DYNC1I1: variants seen among roughly 807,000 people sequenced by gnomAD.
DYNC1I1 encodes the protein cytoplasmic dynein 1 intermediate chain 1.
In DYNC1I1, 43 loss-of-function variants were observed where a neutral mutation model predicts 86.6. The observed-to-expected ratio is 0.50, with a 90% CI of 0.39 to 0.64. The LOEUF is 0.64. DYNC1I1 is among the 30% of genes least tolerant of loss of function. The probability of loss-of-function intolerance (pLI) is 0.00; values close to 1 mark genes in which losing one functional copy is unlikely to be tolerated. For missense variants in DYNC1I1, 604 were observed against 788.8 expected (o/e 0.77, Z 2.81); for synonymous variants, 262 against 283.7 (o/e 0.92, Z 0.77).
chr7:95,968,866 G>A (rs1584209807), intron 6 of DYNC1I1, among the ~76,000 whole-genome samples: 1 of 149,108 alleles, frequency 6.7e-6, no homozygotes, highest in African/African-American at 2.5e-5. Flanking sequence ...GTGTGTGTGT[G>A]TGTGTAGGCA....
At chr7:95,828,139 C>T in intron 5 of DYNC1I1, 23 bp downstream of exon 5, 1 of 1,613,028 alleles carries the variant, frequency 6.2e-7, no homozygotes. Flanking sequence ...TCTTTTGTTA[C>T]TCCTTTTATT....
intron 1 of DYNC1I1, among the ~76,000 whole-genome samples, chr7:95,790,829 C>T (rs1794282223): frequency 6.6e-6 from 1 of 152,200 alleles, no homozygotes; most frequent in Non-Finnish European, 1.5e-5. Flanking sequence ...TGGATCTTCA[C>T]ATGCCAAAGT....
intron 2 of DYNC1I1, 90 bp downstream of exon 2, chr7:95,804,927 A>G (rs2115798513): frequency 6.8e-7 from 1 of 1,462,380 alleles, no homozygotes; most frequent in East Asian, 2.5e-5. Context: ...GGACTCCCTA[A>G]AAGAATCCTT....
chr7:95,881,996 G>T (rs1790466753), intron 6 of DYNC1I1, among the ~76,000 whole-genome samples: 1 of 152,136 alleles, frequency 6.6e-6, no homozygotes, highest in African/African-American at 2.4e-5. Context: ...ATATGCTCTG[G>T]CTGAGGACAC....
At chr7:95,948,544 C>T (rs1407746894) in intron 6 of DYNC1I1, among the ~76,000 whole-genome samples, 1 of 152,116 alleles carries the variant, frequency 6.6e-6, no homozygotes, top group Admixed American at 6.5e-5. Flanking sequence ...GAGTTGACAC[C>T]TTTGATTCCT....
intron 6 of DYNC1I1, among the ~76,000 whole-genome samples, chr7:95,971,019 T>C (rs1184013798): frequency 1.3e-5 from 2 of 152,054 alleles, no homozygotes; most frequent in East Asian, 1.9e-4. Context: ...AAAGGGGAAT[T>C]GAGGGCAGTG....
chr7:96,009,849 G>T (rs977826027), intron 10 of DYNC1I1, among the ~76,000 whole-genome samples: 1 of 151,326 alleles, frequency 6.6e-6, no homozygotes, highest in Admixed American at 6.6e-5. Flanking sequence ...GCACGATCTC[G>T]GCTCACCACA....
intron 5 of DYNC1I1, among the ~76,000 whole-genome samples, chr7:95,849,156 T>C (rs1166275064): frequency 6.6e-6 from 1 of 152,204 alleles, no homozygotes; most frequent in African/African-American, 2.4e-5. Flanking sequence ...GCAAATATTT[T>C]CTCCCATTTT....
At chr7:95,823,814 C>G (rs1039071232) in intron 4 of DYNC1I1, among the ~76,000 whole-genome samples, 1 of 151,314 alleles carries the variant, frequency 6.6e-6, no homozygotes, top group Admixed American at 6.6e-5. Flanking sequence ...CTTATAAGAC[C>G]TAGTGGACTA....
At chr7:96,046,100 G>A (rs1789207097) in intron 14 of DYNC1I1, among the ~76,000 whole-genome samples, 1 of 152,178 alleles carries the variant, frequency 6.6e-6, no homozygotes, top group African/African-American at 2.4e-5. Flanking sequence ...CTTTGTCGGA[G>A]TGGTTTACCT....
chr7:95,785,824 A>G (rs995900725), intron 1 of DYNC1I1, among the ~76,000 whole-genome samples: 2 of 140,748 alleles, frequency 1.4e-5, no homozygotes, highest in Admixed American at 1.5e-4. Context: ...TATATTATAT[A>G]TAACAGTATG....
intron 10 of DYNC1I1, among the ~76,000 whole-genome samples, chr7:96,022,203 T>G (rs1562974656): frequency 6.6e-6 from 1 of 152,076 alleles, no homozygotes; most frequent in Non-Finnish European, 1.5e-5. Flanking sequence ...GCCAACCTAG[T>G]GGATGTTAAA....
At chr7:95,773,925 T>G (rs932491573) in intron 1 of DYNC1I1, among the ~76,000 whole-genome samples, 19 of 152,180 alleles carry the variant, frequency 1.2e-4, no homozygotes, top group African/African-American at 4.3e-4. Context: ...TTCAGTGCAA[T>G]TTGCAAGCTG....
At chr7:95,805,761 G>T (rs971200818) in intron 2 of DYNC1I1, among the ~76,000 whole-genome samples, 1 of 152,122 alleles carries the variant, frequency 6.6e-6, no homozygotes, top group East Asian at 1.9e-4. Flanking sequence ...AGAAAACTTC[G>T]TGTGGTATGA....
intron 14 of DYNC1I1, among the ~76,000 whole-genome samples, chr7:96,042,047 A>T (rs890703551): frequency 5.9e-5 from 9 of 152,184 alleles, no homozygotes; most frequent in African/African-American, 2.2e-4. Context: ...TATGTTTGGT[A>T]TACATTCCTA....
chr7:96,013,283 G>T (rs1794321245), intron 10 of DYNC1I1, among the ~76,000 whole-genome samples: 1 of 152,058 alleles, frequency 6.6e-6, no homozygotes, highest in Admixed American at 6.6e-5. Flanking sequence ...AAGAAATGAG[G>T]GTGGCCTCTA....
At chr7:96,060,220 A>G (rs984698122) in intron 14 of DYNC1I1, among the ~76,000 whole-genome samples, 30 of 152,010 alleles carry the variant, frequency 2.0e-4, no homozygotes, top group African/African-American at 6.5e-4. Context: ...TCCAAGAACC[A>G]CCCTCCTGTG....
At chr7:95,823,621 G>T (rs1395845818) in intron 4 of DYNC1I1, among the ~76,000 whole-genome samples, 1 of 151,884 alleles carries the variant, frequency 6.6e-6, no homozygotes, top group East Asian at 1.9e-4. Context: ...GCCGGGTAGG[G>T]GAAGCTGTCA....
intron 7 of DYNC1I1, among the ~76,000 whole-genome samples, chr7:95,984,356 G>A (rs1419331052): frequency 2.6e-5 from 4 of 152,040 alleles, no homozygotes; most frequent in Non-Finnish European, 1.5e-5. Flanking sequence ...AATTTACTCA[G>A]TAGAAAAAGG....
Sources: allele counts gnomAD v4.1 joint callset (sites outside exome capture counted in the v4.1 genomes callset), GRCh38; gene constraint gnomAD v4.1.1; transcripts MANE v1.5; gene names NCBI Gene and HGNC (gene_info 2026-07-23, HGNC 2026-07-21).